PPM1E: variants seen among roughly 807,000 people sequenced by gnomAD.
PPM1E encodes the protein protein phosphatase 1E.
In PPM1E, 20 loss-of-function variants were observed where a neutral mutation model predicts 65.9. That is an observed-to-expected ratio of 0.30 (90% confidence interval 0.21 to 0.44). The LOEUF (loss-of-function observed/expected upper bound fraction) is 0.44. Ranked by LOEUF, PPM1E falls within the 20% of genes least tolerant of loss-of-function variation. The pLI, the probability that PPM1E is intolerant of heterozygous loss-of-function variation, is 1.00. For missense variants in PPM1E, 713 were observed against 953.1 expected (o/e 0.75, Z 3.32); for synonymous variants, 352 against 374.9 (o/e 0.94, Z 0.70).
intron 1 of PPM1E, among the ~76,000 whole-genome samples, chr17:58,874,188 G>T (rs536008721): frequency 2.8e-4 from 42 of 152,256 alleles, no homozygotes; most frequent in African/African-American, 1.0e-3. Flanking sequence ...GCTTTCTGTG[G>T]TTGGCCTTGA....
intron 1 of PPM1E, among the ~76,000 whole-genome samples, chr17:58,928,061 A>AT (rs1349055131): frequency 2.0e-5 from 3 of 151,154 alleles, no homozygotes; most frequent in South Asian, 2.1e-4. Flanking sequence ...CTCCATCTCA[A>AT]TTAAAAAAAA....
intron 1 of PPM1E, among the ~76,000 whole-genome samples, chr17:58,799,177 C>A (rs1419164998): frequency 6.6e-6 from 1 of 152,192 alleles, no homozygotes; most frequent in Admixed American, 6.5e-5. Context: ...TGTTGAAAAT[C>A]AGTTGATAGT....
intron 6 of PPM1E, among the ~76,000 whole-genome samples, chr17:58,978,922 C>T (rs1035105403): frequency 4.6e-5 from 7 of 152,066 alleles, no homozygotes; most frequent in Non-Finnish European, 1.0e-4. Flanking sequence ...AGTGTGGTCC[C>T]AAGGTCTGCA....
At chr17:58,923,506 G>T (rs1342370640) in intron 1 of PPM1E, among the ~76,000 whole-genome samples, 1 of 151,804 alleles carries the variant, frequency 6.6e-6, no homozygotes, top group African/African-American at 2.4e-5. Flanking sequence ...AGCACTTTGG[G>T]AGGCCAAGGT....
At chr17:58,799,753 GTA>G (rs1020564277) in intron 1 of PPM1E, among the ~76,000 whole-genome samples, 11 of 152,052 alleles carry the variant, frequency 7.2e-5, no homozygotes, top group African/African-American at 2.2e-4. Flanking sequence ...CAAATTTTTT[GTA>G]TTTTGGTAGA....
At chr17:58,760,982 C>T (rs1419137757) in intron 1 of PPM1E, among the ~76,000 whole-genome samples, 2 of 152,106 alleles carry the variant, frequency 1.3e-5, no homozygotes, top group Non-Finnish European at 2.9e-5. Flanking sequence ...CCTTCCATAC[C>T]CTCCCAGCAT....
At chr17:58,875,480 A>AAT (rs1374746868) in intron 1 of PPM1E, among the ~76,000 whole-genome samples, 2 of 152,178 alleles carry the variant, frequency 1.3e-5, no homozygotes, top group Non-Finnish European at 2.9e-5. Context: ...TGAATGGGCA[A>AAT]ATATATATAC....
intron 1 of PPM1E, among the ~76,000 whole-genome samples, chr17:58,914,989 G>A (rs1001286998): frequency 5.3e-5 from 8 of 152,100 alleles, no homozygotes; most frequent in Non-Finnish European, 1.2e-4. Flanking sequence ...GGCAGACTTT[G>A]GTTGTTTTGC....
At chr17:58,946,336 C>T (rs1348879567) in intron 1 of PPM1E, among the ~76,000 whole-genome samples, 1 of 152,214 alleles carries the variant, frequency 6.6e-6, no homozygotes, top group Non-Finnish European at 1.5e-5. Context: ...CACATCTTTT[C>T]ATGTGCTTAT....
chr17:58,785,485 TATATAG>T (rs1488369372), intron 1 of PPM1E: 9 of 125,620 alleles, frequency 7.2e-5, no homozygotes, highest in African/African-American at 2.3e-4. Flanking sequence ...TATATATATA[TATATAG>T]TAGAACCAGG....
At chr17:58,783,379 A>G (rs2050067569) in intron 1 of PPM1E, among the ~76,000 whole-genome samples, 1 of 152,236 alleles carries the variant, frequency 6.6e-6, no homozygotes, top group South Asian at 2.1e-4. Flanking sequence ...TTTATGACAA[A>G]GGGAATTTTA....
chr17:58,899,986 G>C (rs2051478339), intron 1 of PPM1E, among the ~76,000 whole-genome samples: 3 of 151,456 alleles, frequency 2.0e-5, no homozygotes, highest in Admixed American at 1.3e-4. Context: ...CTTGAGGCCA[G>C]GAGTTCAAGA....
At chr17:58,764,283 C>G (rs1209155477) in intron 1 of PPM1E, among the ~76,000 whole-genome samples, 1 of 151,776 alleles carries the variant, frequency 6.6e-6, no homozygotes, top group Non-Finnish European at 1.5e-5. Flanking sequence ...TTAAAAAAAC[C>G]ACAACTACAA....
rs140906953 is a variant in PPM1E at position 58,890,365 on chromosome 17, A to C, written c.465-65284A>C. Reference sequence around the variant, plus strand: ...CGTTGTAAACAGCAAGGTTATCAGCACAAAGCATAAAAATGCGAAAAACAT... The same window carrying C: ...CGTTGTAAACAGCAAGGTTATCAGCCCAAAGCATAAAAATGCGAAAAACAT... On this transcript the variant is annotated intron_variant, in intron 1 of 6. Coordinates refer to ENST00000308249, the MANE Select transcript of PPM1E (RefSeq NM_014906.5). Among the ~76,000 whole-genome samples, 14 of 152,326 alleles carry C rather than the reference A, an allele frequency of 9.2e-5. No individual in the cohort carries two copies. In the East Asian group the frequency reaches 2.7e-3, roughly 29 times the overall value.
intron 1 of PPM1E, among the ~76,000 whole-genome samples, chr17:58,873,845 C>A (rs1332790233): frequency 6.6e-6 from 1 of 150,618 alleles, no homozygotes. Context: ...GATCTGCCCA[C>A]CTTAGCCCCC....
intron 6 of PPM1E, among the ~76,000 whole-genome samples, chr17:58,979,182 C>A (rs1246988102): frequency 1.3e-5 from 2 of 152,088 alleles, no homozygotes; most frequent in South Asian, 4.2e-4. Context: ...TGCACAATAA[C>A]AATAAAGACA....
chr17:58,955,382 A>G (rs983321932), intron 1 of PPM1E, among the ~76,000 whole-genome samples: 17 of 152,128 alleles, frequency 1.1e-4, no homozygotes, highest in African/African-American at 3.9e-4. Flanking sequence ...AACAACAAAC[A>G]GAAACAAACT....
rs912916478 is a variant in PPM1E at position 58,804,174 on chromosome 17, T to C, written c.464+47713T>C. Among the ~76,000 whole-genome samples the C allele has an allele frequency of 2.0e-5, 3 of 152,294 alleles. No individual in the cohort carries two copies. The South Asian group carries it at 6.2e-4, about 32-fold the overall frequency. On this transcript the variant is annotated intron_variant, in intron 1 of 6. Coordinates refer to ENST00000308249, the MANE Select transcript of PPM1E (RefSeq NM_014906.5). ...AACTCCTGGCCTCAAGCAGTCCTCCTGCCTGAGCTTCCCAAAGTGCTGGGA... is the reference window on the plus strand; with the variant it reads ...AACTCCTGGCCTCAAGCAGTCCTCCCGCCTGAGCTTCCCAAAGTGCTGGGA...
chr17:58,934,053 A>T (rs2051941704), intron 1 of PPM1E, among the ~76,000 whole-genome samples: 1 of 144,216 alleles, frequency 6.9e-6, no homozygotes, highest in African/African-American at 2.6e-5. Flanking sequence ...AAGCCACTGC[A>T]CTCCAGCCTG....
Sources: allele counts gnomAD v4.1 joint callset (sites outside exome capture counted in the v4.1 genomes callset), GRCh38; gene constraint gnomAD v4.1.1; transcripts MANE v1.5; gene names NCBI Gene and HGNC (gene_info 2026-07-23, HGNC 2026-07-21).